FAM167A: variants seen among roughly 807,000 people sequenced by gnomAD.
FAM167A encodes protein FAM167A.
FAM167A carries 23 observed loss-of-function variants against 14.9 expected under a neutral mutation model. The observed-to-expected ratio is 1.55, with a 90% CI of 1.11 to 2.19. FAM167A has a LOEUF of 2.19. FAM167A is among the 30% of genes most tolerant of loss of function. The pLI, the probability that FAM167A is intolerant of heterozygous loss-of-function variation, is 0.00. For missense variants in FAM167A, 401 were observed against 281.5 expected (o/e 1.42, Z -3.04); for synonymous variants, 174 against 117.7 (o/e 1.48, Z -3.10).
chr8:11,471,747 G>C (rs763084325), upstream of FAM167A, among the ~76,000 whole-genome samples: 1 of 152,198 alleles, frequency 6.6e-6, no homozygotes, highest in Non-Finnish European at 1.5e-5. Context: ...TGCCCTCTCA[G>C]AATCCACTCC....
At chr8:11,456,591 G>A (rs1376086475) in intron 1 of FAM167A, among the ~76,000 whole-genome samples, 1 of 146,076 alleles carries the variant, frequency 6.8e-6, no homozygotes, top group African/African-American at 2.5e-5. Context: ...GAGTGTGAGA[G>A]TGTGGGTAGC....
chr8:11,462,583 A>T (rs1396650981), intron 1 of FAM167A, among the ~76,000 whole-genome samples: 1 of 152,196 alleles, frequency 6.6e-6, no homozygotes, highest in Admixed American at 6.5e-5. Context: ...CTACTGCATC[A>T]GCAACCTCGC....
intron 1 of FAM167A, among the ~76,000 whole-genome samples, chr8:11,453,382 AAG>A (rs1807102042): frequency 2.0e-5 from 3 of 152,248 alleles, no homozygotes; most frequent in African/African-American, 7.2e-5. Flanking sequence ...AATATGTATG[AAG>A]CACTCAATAT....
At chr8:11,429,040 C>T (rs547749090) in intron 2 of FAM167A, among the ~76,000 whole-genome samples, 1 of 139,030 alleles carries the variant, frequency 7.2e-6, no homozygotes, top group African/African-American at 2.7e-5. Flanking sequence ...AGTACATTCA[C>T]GTTGTCGCGC....
chr8:11,464,916 G>C (rs1249997814), intron 1 of FAM167A, among the ~76,000 whole-genome samples: 1 of 152,170 alleles, frequency 6.6e-6, no homozygotes, highest in Non-Finnish European at 1.5e-5. Context: ...TCCTCCTGGA[G>C]GGGGGCCAAG....
chr8:11,439,752 C>G (rs892270308), intron 2 of FAM167A, among the ~76,000 whole-genome samples: 1 of 152,200 alleles, frequency 6.6e-6, no homozygotes, highest in Non-Finnish European at 1.5e-5. Context: ...TTCATCCTGG[C>G]ACTGCATAAA....
chr8:11,466,786 T>TA (rs57231950), upstream of FAM167A: 1 of 150,544 alleles, frequency 6.6e-6, no homozygotes, highest in African/African-American at 2.4e-5. Flanking sequence ...ACTTTTTTTT[T>TA]CCCCCTGCGT....
intron 1 of FAM167A, chr8:11,445,330 C>T: frequency 3.0e-6 from 3 of 986,244 alleles, no homozygotes; most frequent in Non-Finnish European, 2.4e-6. Context: ...ACCACCTCCA[C>T]CCACCACAGG....
intron 2 of FAM167A, among the ~76,000 whole-genome samples, chr8:11,433,407 C>T (rs1419236067): frequency 2.0e-5 from 3 of 152,072 alleles, no homozygotes; most frequent in East Asian, 1.9e-4. Context: ...TTTTTTCTAT[C>T]GTCTAATGCT....
At chr8:11,473,035 G>T (rs968295437) in intron 1 of FAM167A, among the ~76,000 whole-genome samples, 1 of 152,254 alleles carries the variant, frequency 6.6e-6, no homozygotes, top group Non-Finnish European at 1.5e-5. Flanking sequence ...CCCCCATCCT[G>T]GGGAAGAGCC....
Position 11,423,623 on chromosome 8 carries a change from G to C in FAM167A, c.*750C>G, listed in dbSNP as rs1301329761. 3 of 152,334 alleles carry C rather than the reference G, an allele frequency of 2.0e-5. No homozygotes were observed. The highest frequency in any genetic ancestry group is 7.2e-5 in the African/African-American group (3 of 41,462). 9.4% of individuals were successfully genotyped at this position (152,334 alleles called of 1,614,324 possible). On this transcript the variant is annotated 3_prime_UTR_variant, in exon 3 of 3. Transcript: ENST00000284486. ...CTCCCAGGCTGTCACCCTGGGGTGTGGGTGGCAGTGAAGAGGCTCTTTGGA... is the reference window on the plus strand; with the variant it reads ...CTCCCAGGCTGTCACCCTGGGGTGTCGGTGGCAGTGAAGAGGCTCTTTGGA...
rs901300180 is a variant in FAM167A at position 11,423,161 on chromosome 8, A to C, written c.*1212T>G. 1 of 152,334 alleles carries C rather than the reference A, an allele frequency of 6.6e-6. No homozygotes were observed. Among genetic ancestry groups the C allele is most frequent in the Non-Finnish European group, 1.5e-5 (1 of 68,046 alleles). 9.4% of individuals were successfully genotyped at this position (152,334 alleles called of 1,614,324 possible). On this transcript the variant is annotated 3_prime_UTR_variant, in exon 3 of 3. Transcript: ENST00000284486. ...TCGACTAGATGACACCAAAGGTCAG[A>C]AACACTCCTTATCTCAGGATTCTAC... is the stretch of plus-strand genomic sequence containing the variant.
Position 11,460,570 on chromosome 8 carries a change from C to T in FAM167A, c.-398+6056G>A, listed in dbSNP as rs553544619. On this transcript the variant is annotated intron_variant, in intron 1 of 2. Transcript: ENST00000284486. ...GTGTCCTATGCTAATGGTTGCACTT[C>T]AGCTCAGGATAGAAGCTTCCGTTTC... Among the ~76,000 whole-genome samples the T allele has an allele frequency of 1.5e-3, 231 of 152,390 alleles. 6 individuals are homozygous for T. In the South Asian group the frequency reaches 0.046, roughly 30 times the overall value.
chr8:11,451,075 C>T (rs1046144634), intron 1 of FAM167A, among the ~76,000 whole-genome samples: 9 of 152,264 alleles, frequency 5.9e-5, no homozygotes, highest in African/African-American at 2.2e-4. Context: ...GAAAGTGCAT[C>T]CCCCTTTCCC....
intron 1 of FAM167A, among the ~76,000 whole-genome samples, chr8:11,464,433 C>T (rs1807672103): frequency 6.6e-6 from 1 of 152,164 alleles, no homozygotes; most frequent in East Asian, 1.9e-4. Flanking sequence ...CCACCCTGTC[C>T]CATCCTTCCT....
chr8:11,461,193 C>G (rs1807524338), intron 1 of FAM167A, among the ~76,000 whole-genome samples: 1 of 152,210 alleles, frequency 6.6e-6, no homozygotes, highest in South Asian at 2.1e-4. Flanking sequence ...CGCCCAGTCG[C>G]TGGTGTGTCC....
At chr8:11,453,840 G>C (rs965955273) in intron 1 of FAM167A, among the ~76,000 whole-genome samples, 1 of 152,140 alleles carries the variant, frequency 6.6e-6, no homozygotes, top group African/African-American at 2.4e-5. Context: ...AAACACTGCA[G>C]GGAAGGCTGG....
At position 11,444,353 on chromosome 8, in the gene FAM167A, G is replaced by C; in HGVS notation, c.59C>G (p.Ala20Gly). The C allele has an allele frequency of 3.1e-6, 5 of 1,600,196 alleles. No individual in the cohort carries two copies. The highest frequency in any genetic ancestry group is 4.3e-6 in the Non-Finnish European group (5 of 1,173,410). ...CCGGAGGTGGTCATCGGGTGGTGCG[G>C]CTGCTCCCGCCCCCTCTTCTGCACC... Reference protein sequence around the residue: ...EVGAEEGAGAAAPPDDHLRSL... With the variant: ...EVGAEEGAGAGAPPDDHLRSL... The change falls in exon 2 of 3, where the codon GCC becomes GGC. Residue 20 changes from alanine (A) to glycine (G), a missense_variant. Transcript: ENST00000284486.
intron 2 of FAM167A, among the ~76,000 whole-genome samples, chr8:11,441,650 C>G (rs1806445267): frequency 6.6e-6 from 1 of 152,210 alleles, no homozygotes; most frequent in Non-Finnish European, 1.5e-5. Context: ...TGAGTTCCAG[C>G]CCCGGCTCTG....
Sources: gnomAD v4.1 joint callset for allele counts (sites outside exome capture counted in the v4.1 genomes callset) on GRCh38, gnomAD v4.1.1 for gene constraint, MANE v1.5 for transcripts, NCBI Gene and HGNC (gene_info 2026-07-23, HGNC 2026-07-21) for gene names.